SF3B1: variants seen among roughly 807,000 people sequenced by gnomAD.
The protein encoded by SF3B1 is splicing factor 3b subunit 1.
In SF3B1, 12 loss-of-function variants were observed where a neutral mutation model predicts 153.8. The ratio of observed to expected loss-of-function variants is 0.08; its 90% CI spans 0.05 to 0.13. The LOEUF (loss-of-function observed/expected upper bound fraction) is 0.13, where lower values mean the gene tolerates loss of function less well. Among genes scored for constraint, SF3B1 ranks in the 10% least tolerant of loss-of-function variants. The probability of loss-of-function intolerance (pLI) is 1.00; values close to 1 mark genes in which losing one functional copy is unlikely to be tolerated. For missense variants in SF3B1, 513 were observed against 1,606.1 expected, an observed-to-expected ratio of 0.32 and a Z score of 11.63; for synonymous variants, 498 against 525.2, an observed-to-expected ratio of 0.95 and a Z score of 0.71.
At chr2:197,406,878 A>G (rs540016109) in intron 9 of SF3B1, among the ~76,000 whole-genome samples, 5 of 152,324 alleles carry the variant, frequency 3.3e-5, no homozygotes, top group Non-Finnish European at 7.4e-5. Flanking sequence ...CTTTGAGCCT[A>G]GGAGTTTGAG....
intron 22 of SF3B1, 126 bp from the exon 23 acceptor site, chr2:197,396,454 A>G (rs887288328): frequency 2.4e-5 from 17 of 718,144 alleles, no homozygotes; most frequent in Non-Finnish European, 3.1e-5. Context: ...ATTTTATAAA[A>G]TGCAATACTT....
intron 23 of SF3B1, among the ~76,000 whole-genome samples, chr2:197,394,027 T>A (rs1012068389): frequency 2.6e-5 from 4 of 151,774 alleles, no homozygotes; most frequent in African/African-American, 4.8e-5. Flanking sequence ...CTACTAAACA[T>A]ACAAAAATTA....
chr2:197,398,236 A>T, intron 21 of SF3B1, 120 bp from the exon 22 acceptor site: 1 of 922,876 alleles, frequency 1.1e-6, no homozygotes. Context: ...AAAACTTACT[A>T]CTCTTCAGAA....
chr2:197,414,357 G>A (rs2085116760), intron 6 of SF3B1, among the ~76,000 whole-genome samples: 1 of 152,120 alleles, frequency 6.6e-6, no homozygotes, highest in Non-Finnish European at 1.5e-5. Flanking sequence ...AGATCCTAGG[G>A]ATTGAGCACA....
At position 197,421,078 on chromosome 2, in the gene SF3B1, T is replaced by C. The variant is rs2106011381; in HGVS notation, c.251A>G (p.Tyr84Cys). The change falls in exon 3 of 25, where the codon TAT becomes TGT. Residue 84 changes from tyrosine to cysteine, a missense_variant. Physicochemically the swap from Tyr to Cys is radical, Grantham distance 194. Around this residue, in one of 21 missense-constraint regions of SF3B1, gnomAD observed 56 missense variants for 75.6 expected, o/e 0.74. Transcript: ENST00000335508. ...ATTAAGCAATGCCACAGGGGCATGATATCCTGGCTTCTTCTGACCAAGCAA... is the reference window on the plus strand; with the variant it reads ...ATTAAGCAATGCCACAGGGGCATGACATCCTGGCTTCTTCTGACCAAGCAA... ...TSLLGQKKPG[Y>C]HAPVALLNDI... 6.2e-7 allele frequency: 1 copy of C among 1,613,538 alleles called. No individual in the cohort carries two copies. Among genetic ancestry groups the C allele is most frequent in the Non-Finnish European group, 8.5e-7 (1 of 1,179,696 alleles).
chr2:197,427,803 G>A (rs978653493), intron 1 of SF3B1, among the ~76,000 whole-genome samples: 1 of 151,862 alleles, frequency 6.6e-6, no homozygotes, highest in African/African-American at 2.4e-5. Context: ...GGTGGATCAC[G>A]AGGTCAGGAG....
intron 20 of SF3B1, among the ~76,000 whole-genome samples, chr2:197,399,711 T>C (rs920717173): frequency 6.6e-6 from 1 of 152,156 alleles, no homozygotes; most frequent in African/African-American, 2.4e-5. Flanking sequence ...AACTTTAGGA[T>C]TGCCTTTTCA....
At chr2:197,431,007 T>C (rs1355148446) in intron 1 of SF3B1, among the ~76,000 whole-genome samples, 1 of 152,008 alleles carries the variant, frequency 6.6e-6, no homozygotes, top group Non-Finnish European at 1.5e-5. Flanking sequence ...AGAAAAACAA[T>C]TCATATCACT....
In SF3B1 at chr2:197,400,962, C is replaced by T. The variant is rs2084931707; in HGVS notation, c.2497-26G>A. ...CTAAAAAGAACAGAAAAACAAAAAA[C>T]CTTTTAGACTGCTTTTCCAAGGAAA... On this transcript the variant is annotated intron_variant, in intron 17 of 24. Coordinates refer to ENST00000335508, the MANE Select transcript of SF3B1 (RefSeq NM_012433.4). The surrounding 1 kb of genome is among the most constrained non-coding windows in gnomAD (Gnocchi z 5.0). 1 of 1,435,134 alleles carries T rather than the reference C, an allele frequency of 7.0e-7. No homozygotes were observed. The highest frequency in any genetic ancestry group is 9.7e-7 in the Non-Finnish European group (1 of 1,030,096). 88.9% of individuals were successfully genotyped at this position (1,435,134 alleles called of 1,614,324 possible).
chr2:197,435,092 C>T (rs2085503643), upstream of SF3B1: 2 of 1,585,964 alleles, frequency 1.3e-6, no homozygotes, highest in Non-Finnish European at 8.6e-7. Context: ...GGGCTGCACT[C>T]TGCGCGTGCG....
intron 12 of SF3B1, among the ~76,000 whole-genome samples, chr2:197,403,314 C>T (rs2084954778): frequency 6.6e-6 from 1 of 152,166 alleles, no homozygotes; most frequent in Admixed American, 6.5e-5. Context: ...GGTGAAAAAA[C>T]TGGTTCTTAA....
chr2:197,434,419 CTAAG>C (rs1193201525), intron 1 of SF3B1, among the ~76,000 whole-genome samples: 1 of 152,138 alleles, frequency 6.6e-6, no homozygotes, highest in African/African-American at 2.4e-5. Flanking sequence ...CTAAAAGTGA[CTAAG>C]GGAGGGAAAA....
chr2:197,393,242 A>G (rs1390371366), intron 23 of SF3B1, 54 bp from the exon 24 acceptor site: 6 of 1,124,116 alleles, frequency 5.3e-6, no homozygotes, highest in South Asian at 3.8e-5. Context: ...AGAAAGGGGG[A>G]AAAATCCTTA....
chr2:197,393,619 A>G (rs993257379), intron 23 of SF3B1, among the ~76,000 whole-genome samples: 2 of 151,678 alleles, frequency 1.3e-5, no homozygotes, highest in East Asian at 3.9e-4. Context: ...CGCCTGCCTA[A>G]TTTTTGTATT....
rs1023471429 is a variant in SF3B1, at chr2:197,408,424, G to A, written c.1062C>T (p.Thr354=). 2 of 1,613,916 alleles carry A rather than the reference G, an allele frequency of 1.2e-6. No homozygotes were observed. Among genetic ancestry groups the A allele is most frequent in the Admixed American group, 1.7e-5 (1 of 59,966 alleles). Residue 354 remains threonine, a synonymous_variant, in exon 8 of 25, where the codon ACC becomes ACT. Transcript: ENST00000335508. ...SQMGGSTPVL[T]PGKTPIGTPA... is the part of the protein sequence containing the mutation. ...GTGTGCCAATTGGTGTCTTTCCAGG[G>A]GTCAGAACTGGAGTGCTTCCACCCA...
intron 5 of SF3B1, 66 bp downstream of exon 5, chr2:197,418,443 G>T: frequency 8.4e-7 from 1 of 1,196,080 alleles, no homozygotes; most frequent in Non-Finnish European, 1.2e-6. Context: ...AAACCTAACA[G>T]TCTCTCAATC....
chr2:197,404,073 C>T (rs1200830962), intron 11 of SF3B1, among the ~76,000 whole-genome samples: 8 of 152,196 alleles, frequency 5.3e-5, no homozygotes, highest in Non-Finnish European at 1.2e-4. Flanking sequence ...TAATCCCTCA[C>T]ATAATTTCAC....
intron 1 of SF3B1, among the ~76,000 whole-genome samples, chr2:197,424,701 G>C (rs752830047): frequency 6.6e-6 from 1 of 152,134 alleles, no homozygotes; most frequent in African/African-American, 2.4e-5. Context: ...CCTGACACCA[G>C]GTTAATTTTG....
rs566175207 is a variant in SF3B1, at chr2:197,403,015, C to T, written c.1740G>A (p.Pro580=). ...YVHKILVVIE[P]LLIDEDYYAR... Reference sequence around the variant, plus strand: ...CATAGTAATCTTCATCAATCAATAGCGGTTCAATGACCACGAGGATCTGAA... The same window carrying T: ...CATAGTAATCTTCATCAATCAATAGTGGTTCAATGACCACGAGGATCTGAA... The change falls in exon 13 of 25, where the codon CCG becomes CCA. Residue 580 remains proline, a synonymous_variant. Coordinates refer to ENST00000335508, the MANE Select transcript of SF3B1 (RefSeq NM_012433.4). The T allele has an allele frequency of 5.4e-5, 87 of 1,610,262 alleles. 2 individuals carry two copies. The South Asian group carries it at 8.0e-4, about 15-fold the overall frequency.
Sources: gnomAD v4.1 joint callset for allele counts (sites outside exome capture counted in the v4.1 genomes callset) on GRCh38, gnomAD v4.1.1 for gene constraint, gnomAD v4.1.1 regional missense constraint, Gnocchi (gnomAD v3.1) non-coding constraint, MANE v1.5 for transcripts, NCBI Gene and HGNC (gene_info 2026-07-23, HGNC 2026-07-21) for gene names.